ZNF81: variants seen among roughly 807,000 people sequenced by gnomAD.
The protein encoded by ZNF81 is zinc finger protein 81 (HFZ20).
ZNF81 carries 5 observed loss-of-function variants against 32.3 expected under a neutral mutation model. The observed-to-expected ratio is 0.15, with a 90% CI of 0.08 to 0.33. The LOEUF (loss-of-function observed/expected upper bound fraction) is 0.33, where lower values mean the gene tolerates loss of function less well. Ranked by LOEUF, ZNF81 falls within the 10% of genes least tolerant of loss-of-function variation. The probability of loss-of-function intolerance (pLI) is 1.00; values close to 1 mark genes in which losing one functional copy is unlikely to be tolerated. For missense variants in ZNF81, 379 were observed against 479.8 expected (o/e 0.79, Z 1.96); for synonymous variants, 163 against 166.8 (o/e 0.98, Z 0.17).
chrX:47,851,797 T>G (rs2148008136), intron 2 of ZNF81, among the ~76,000 whole-genome samples: 1 of 112,749 alleles, frequency 8.9e-6, no homozygotes, highest in Admixed American at 9.4e-5. Context: ...CATTTTCTGT[T>G]TAATACTTAA....
At chrX:47,877,128 T>C (rs782364951) in intron 2 of ZNF81, among the ~76,000 whole-genome samples, 5 of 112,512 alleles carry the variant, frequency 4.4e-5, no homozygotes, top group Non-Finnish European at 5.6e-5. Flanking sequence ...AAGGGCCCTA[T>C]CCACAAGGTC....
intron 3 of ZNF81, among the ~76,000 whole-genome samples, chrX:47,889,799 G>A (rs1365875679): frequency 9.0e-6 from 1 of 110,958 alleles, no homozygotes; most frequent in Non-Finnish European, 1.9e-5. Flanking sequence ...GTGGGAGCAA[G>A]AGCAAGAGTG....
Position 47,915,194 on chromosome X carries a change from T to C in ZNF81, c.548T>C (p.Ile183Thr), listed in dbSNP as rs373758035. Reference protein sequence around the residue: ...GKFVHPSPNLILSQKRPHKRD... With the variant: ...GKFVHPSPNLTLSQKRPHKRD... ...TTTGTTCATCCAAGCCCAAATCTCATTCTTTCACAGAAAAGACCCCATAAA... is the reference window on the plus strand; with the variant it reads ...TTTGTTCATCCAAGCCCAAATCTCACTCTTTCACAGAAAAGACCCCATAAA... Residue 183 changes from isoleucine to threonine, a missense_variant, in exon 5 of 5, where the codon ATT becomes ACT. By Grantham distance (89) the Ile-to-Thr change is moderately conservative (BLOSUM62 -1). Transcript: ENST00000338637. The C allele has an allele frequency of 1.2e-5, 15 of 1,202,988 alleles. No individual in the cohort carries two copies. The South Asian group carries it at 1.8e-4, about 14-fold the overall frequency.
At chrX:47,850,883 GCACGCGCGCACACACACACACACA>G (rs1221815572) in intron 2 of ZNF81, among the ~76,000 whole-genome samples, 1 of 30,754 alleles carries the variant, frequency 3.3e-5, no homozygotes, top group Non-Finnish European at 7.4e-5. Flanking sequence ...TCATTCACAG[GCACGCGCGCACACACACACACACA>G]CACACACACA....
In ZNF81 at chrX:47,923,208, G is replaced by T. The variant is rs1448512978; in HGVS notation, c.*6576G>T. On this transcript the variant is annotated 3_prime_UTR_variant, in exon 5 of 5. Transcript: ENST00000338637. ...TATGCATGGAGAGAATTTCTTAATGGGTATTAGATACACCTCACTTCCTGA... is the reference window on the plus strand; with the variant it reads ...TATGCATGGAGAGAATTTCTTAATGTGTATTAGATACACCTCACTTCCTGA... Among the ~76,000 whole-genome samples, 1 of 110,835 alleles carries T rather than the reference G, an allele frequency of 9.0e-6. No homozygotes were observed. The highest frequency in any genetic ancestry group is 1.9e-5 in the Non-Finnish European group (1 of 52,853).
At chrX:47,864,862 A>G (rs1457201192) in intron 2 of ZNF81, among the ~76,000 whole-genome samples, 3 of 112,511 alleles carry the variant, frequency 2.7e-5, no homozygotes, top group African/African-American at 9.7e-5. Flanking sequence ...TAGTCTTCCA[A>G]GTGGGAGACT....
intron 4 of ZNF81, among the ~76,000 whole-genome samples, chrX:47,900,940 C>G (rs782483209): frequency 2.1e-3 from 231 of 110,691 alleles, no homozygotes; most frequent in Non-Finnish European, 3.7e-3. Context: ...CCCCTGATTC[C>G]TCTCGCAAAA....
chrX:47,900,391 T>A (rs782172393), intron 4 of ZNF81, among the ~76,000 whole-genome samples: 9 of 111,603 alleles, frequency 8.1e-5, no homozygotes, highest in Non-Finnish European at 9.4e-5. Context: ...AACAAATGGA[T>A]GTCAGTATTG....
intron 2 of ZNF81, among the ~76,000 whole-genome samples, chrX:47,868,429 G>A (rs2058568032): frequency 9.0e-6 from 1 of 111,432 alleles, no homozygotes; most frequent in Admixed American, 9.6e-5. Flanking sequence ...CTGAACTAGT[G>A]ATGGTATCTG....
chrX:47,894,998 A>C (rs782337917), intron 3 of ZNF81, among the ~76,000 whole-genome samples: 3 of 111,473 alleles, frequency 2.7e-5, no homozygotes, highest in Non-Finnish European at 5.6e-5. Context: ...GACGATGTCG[A>C]GATGTGATTT....
At chrX:47,867,367 G>T (rs1217584708) in intron 2 of ZNF81, among the ~76,000 whole-genome samples, 3 of 112,035 alleles carry the variant, frequency 2.7e-5, no homozygotes, top group Non-Finnish European at 5.6e-5. Context: ...AGTTTTTTCA[G>T]GAAATGCTCT....
chrX:47,921,830 C>T lies in ZNF81; in HGVS notation c.*5198C>T, dbSNP rs782186743. 9.0e-6 allele frequency: 1 copy of T among 111,457 alleles called. No individual in the cohort carries two copies. The highest frequency in any genetic ancestry group is 9.6e-5 in the Admixed American group (1 of 10,469). The allele number at this position is 111,457 out of a possible 1,213,427, so 9.2% of individuals were successfully genotyped here. A position where few individuals can be genotyped will look rare whatever the true frequency, so the allele number is the denominator to read the frequency against. On this transcript the variant is annotated 3_prime_UTR_variant, in exon 5 of 5. Coordinates refer to ENST00000338637, the MANE Select transcript of ZNF81 (RefSeq NM_007137.5). ...TTAGATGAGGACCACAGCCAAATAG[C>T]TTGACTGTAAGCCAGATAGCTTGAC...
intron 2 of ZNF81, among the ~76,000 whole-genome samples, chrX:47,855,163 TA>T (rs1556881724): frequency 7.5e-5 from 8 of 107,261 alleles, no homozygotes; most frequent in South Asian, 3.9e-4. Context: ...AAAAAATAAA[TA>T]AATTAATTAA....
chrX:47,907,774 C>T (rs12556608), intron 4 of ZNF81, among the ~76,000 whole-genome samples: 1,605 of 111,450 alleles, frequency 0.014, 12 homozygotes, highest in Middle Eastern at 0.037. Context: ...CAACTTTATC[C>T]CCCAACATTT....
chrX:47,846,184 C>T lies in ZNF81; in HGVS notation c.-84C>T. 2 of 1,084,649 alleles carry T rather than the reference C, an allele frequency of 1.8e-6. No homozygotes were observed. The highest frequency in any genetic ancestry group is 3.5e-4 in the Middle Eastern group (1 of 2,880). The allele number at this position is 1,084,649 out of a possible 1,213,427, so 89.4% of individuals were successfully genotyped here. A position where few individuals can be genotyped will look rare whatever the true frequency, so the allele number is the denominator to read the frequency against. ...GGATCTTCCTTCTGACCCCAGCAGTCCCCGTTGAGTCCACCGATCCCACTG... is the reference window on the plus strand; with the variant it reads ...GGATCTTCCTTCTGACCCCAGCAGTTCCCGTTGAGTCCACCGATCCCACTG... On this transcript the variant is annotated 5_prime_UTR_variant, in exon 2 of 5. Coordinates refer to ENST00000338637, the MANE Select transcript of ZNF81 (RefSeq NM_007137.5).
At chrX:47,872,425 G>A (rs1328026629) in intron 2 of ZNF81, among the ~76,000 whole-genome samples, 3 of 111,649 alleles carry the variant, frequency 2.7e-5, no homozygotes, top group African/African-American at 6.5e-5. Context: ...TTTCCTGTGA[G>A]TGGCTCGAGA....
At chrX:47,888,805 CTA>C (rs1221283138) in intron 3 of ZNF81, among the ~76,000 whole-genome samples, 7 of 111,362 alleles carry the variant, frequency 6.3e-5, no homozygotes, top group Non-Finnish European at 5.7e-5. Flanking sequence ...GTTAACGAGA[CTA>C]TTGGTAGAAA....
chrX:47,915,241 T>G lies in ZNF81; in HGVS notation c.595T>G (p.Phe199Val). ...TAAACGTGATTCATTTGGGAAGAGT[T>G]TTAAGCATAATTTAGACTTACATAT... is the stretch of plus-strand genomic sequence containing the variant. ...PHKRDSFGKSFKHNLDLHIHN... is the reference protein window; with the variant it reads ...PHKRDSFGKSVKHNLDLHIHN... Residue 199 changes from phenylalanine to valine, a missense_variant, in exon 5 of 5, where the codon TTT becomes GTT. Phe to Val is a conservative substitution (Grantham distance 50, BLOSUM62 -1). This residue lies in a region of ZNF81 where 277 missense variants were observed against 306.6 expected (regional missense o/e 0.90). Coordinates refer to ENST00000338637, the MANE Select transcript of ZNF81 (RefSeq NM_007137.5). 3 of 1,210,915 alleles carry G rather than the reference T, an allele frequency of 2.5e-6. No homozygotes were observed. Among genetic ancestry groups the G allele is most frequent in the Non-Finnish European group, 3.4e-6 (3 of 895,001 alleles).
chrX:47,883,979 G>A (rs2058630834), intron 2 of ZNF81, among the ~76,000 whole-genome samples: 1 of 110,854 alleles, frequency 9.0e-6, no homozygotes, highest in African/African-American at 3.3e-5. Flanking sequence ...TGGGCGTGGT[G>A]GCTCATGCCT....
Sources: allele counts gnomAD v4.1 joint callset (sites outside exome capture counted in the v4.1 genomes callset), GRCh38; gene constraint gnomAD v4.1.1; regional missense constraint gnomAD v4.1.1; transcripts MANE v1.5; gene names NCBI Gene and HGNC (gene_info 2026-07-23, HGNC 2026-07-21).